Variants in ADARB2 observed in about 807,000 individuals in gnomAD.
The protein encoded by ADARB2 is adenosine deaminase RNA specific B2 (inactive), also known as inactive double-stranded RNA-specific editase B2.
ADARB2 carries 25 observed loss-of-function variants against 62.2 expected under a neutral mutation model. The ratio of observed to expected loss-of-function variants is 0.40; its 90% CI spans 0.29 to 0.56. The LOEUF is 0.56. ADARB2 is among the 20% of genes least tolerant of loss of function. The pLI is 0.43. For missense variants in ADARB2, 1,071 were observed against 1,077.4 expected (o/e 0.99, Z 0.08); for synonymous variants, 572 against 500.8 (o/e 1.14, Z -1.90).
intron 5 of ADARB2, among the ~76,000 whole-genome samples, chr10:1,234,736 T>G (rs995697581): frequency 5.3e-5 from 6 of 112,512 alleles, no homozygotes; most frequent in Non-Finnish European, 8.8e-5. Context: ...GCGACCATGA[T>G]CTTTTTTTTT....
intron 1 of ADARB2, among the ~76,000 whole-genome samples, chr10:1,693,262 C>T (rs552661212): frequency 3.3e-5 from 5 of 152,188 alleles, no homozygotes; most frequent in South Asian, 2.1e-4. Flanking sequence ...TCATTTTCCA[C>T]ATGAACAATC....
intron 1 of ADARB2, among the ~76,000 whole-genome samples, chr10:1,493,565 C>T (rs1384692941): frequency 6.6e-6 from 1 of 152,010 alleles, no homozygotes; most frequent in Non-Finnish European, 1.5e-5. Context: ...CTCTCCGAAC[C>T]TATTTCCTCA....
intron 1 of ADARB2, among the ~76,000 whole-genome samples, chr10:1,531,209 T>A (rs775898407): frequency 1.3e-5 from 2 of 152,086 alleles, no homozygotes; most frequent in African/African-American, 2.4e-5. Context: ...CACGGAATGA[T>A]CTAGTAAATT....
intron 4 of ADARB2, among the ~76,000 whole-genome samples, chr10:1,254,045 G>A (rs532585194): frequency 6.6e-6 from 1 of 152,044 alleles, no homozygotes; most frequent in East Asian, 1.9e-4. Context: ...TCGGTGGTTA[G>A]GGTGAGGTCG....
intron 1 of ADARB2, chr10:1,678,368 G>A (rs1185225510): frequency 2.0e-6 from 2 of 983,836 alleles, no homozygotes; most frequent in Non-Finnish European, 2.4e-6. Context: ...GTGACCTCGG[G>A]GTGAGCATCC....
At chr10:1,660,691 G>A (rs892749796) in intron 1 of ADARB2, among the ~76,000 whole-genome samples, 10 of 152,096 alleles carry the variant, frequency 6.6e-5, no homozygotes, top group South Asian at 4.1e-4. Context: ...ATCCAGTGTC[G>A]GGGTATCCAT....
intron 1 of ADARB2, among the ~76,000 whole-genome samples, chr10:1,689,335 C>T (rs1486591894): frequency 6.6e-6 from 1 of 152,166 alleles, no homozygotes; most frequent in African/African-American, 2.4e-5. Flanking sequence ...GGGCTACGTG[C>T]CCTGGACCAT....
intron 4 of ADARB2, among the ~76,000 whole-genome samples, chr10:1,245,149 G>A (rs1830972267): frequency 6.6e-6 from 1 of 152,110 alleles, no homozygotes; most frequent in African/African-American, 2.4e-5. Flanking sequence ...GAGGACTTAG[G>A]AAGCACCCTC....
At chr10:1,211,161 C>G (rs1170164690) in intron 7 of ADARB2, among the ~76,000 whole-genome samples, 3 of 147,672 alleles carry the variant, frequency 2.0e-5, no homozygotes, top group African/African-American at 4.9e-5. Context: ...TATCATCTAT[C>G]TAATCTATGA....
chr10:1,678,834 G>A (rs1195074023), intron 1 of ADARB2, among the ~76,000 whole-genome samples: 1 of 151,448 alleles, frequency 6.6e-6, no homozygotes, highest in East Asian at 2.0e-4. Flanking sequence ...CCCTCTCCCG[G>A]GCACTTGTCC....
intron 1 of ADARB2, among the ~76,000 whole-genome samples, chr10:1,396,306 C>T (rs1356384692): frequency 1.3e-5 from 2 of 152,174 alleles, no homozygotes; most frequent in South Asian, 2.1e-4. Context: ...CCCACCCCCT[C>T]GGTGACCCAT....
chr10:1,529,898 C>T (rs576931870), intron 1 of ADARB2, among the ~76,000 whole-genome samples: 17 of 58,524 alleles, frequency 2.9e-4, no homozygotes, highest in African/African-American at 7.2e-4. Flanking sequence ...CCCCCTGCCA[C>T]CACGGACACC....
At chr10:1,712,037 TTTAG>T (rs1219816170) in intron 1 of ADARB2, among the ~76,000 whole-genome samples, 1 of 152,230 alleles carries the variant, frequency 6.6e-6, no homozygotes, top group Non-Finnish European at 1.5e-5. Flanking sequence ...TGCTCATAAT[TTTAG>T]TTACTCAAAA....
At position 1,199,975 on chromosome 10, in the gene ADARB2, G is replaced by C. The variant is rs1564217820; in HGVS notation, c.1855C>G (p.Leu619Val). ...LPASYRHNRP[L>V]LSGVSDAEAR... ...GGAAGGGGGTTCTTACCGCTGAGGA[G>C]AGGCCGGTTGTGCCGGTAGGAGGCG... is the stretch of plus-strand genomic sequence containing the variant. The change falls in exon 8 of 10, where the codon CTC becomes GTC. Residue 619 changes from leucine to valine, a missense_variant. By Grantham distance (32) the Leu-to-Val change is conservative (BLOSUM62 1). Transcript: ENST00000381312. 1.9e-6 allele frequency: 3 copies of C among 1,556,402 alleles called. No homozygotes were observed. Among genetic ancestry groups the C allele is most frequent in the Middle Eastern group, 2.3e-4 (1 of 4,418 alleles).
intron 1 of ADARB2, among the ~76,000 whole-genome samples, chr10:1,685,507 T>G (rs902884072): frequency 1.3e-5 from 2 of 152,180 alleles, no homozygotes; most frequent in African/African-American, 4.8e-5. Flanking sequence ...TTTGTAAAGG[T>G]GCTGAATCCT....
At position 1,460,407 on chromosome 10, in the gene ADARB2, A is replaced by AGTTT. The variant is rs1354329635; in HGVS notation, c.101-81248_101-81247insAAAC. On this transcript the variant is annotated intron_variant, in intron 1 of 9. Coordinates refer to ENST00000381312, the MANE Select transcript of ADARB2 (RefSeq NM_018702.4). The stretch of plus-strand genomic sequence containing the variant: ...GTGTAACAAACCTGCCTGTGACCTG[A>AGTTT]ATTTACCTGCGTAACAAACCTGCCT... 9.3e-5 allele frequency among the ~76,000 whole-genome samples: 8 copies of AGTTT among 85,634 alleles called. 1 individual carries two copies. Among genetic ancestry groups the AGTTT allele is most frequent in the African/African-American group, 1.8e-4 (3 of 16,960 alleles). The allele number at this position is 85,634 out of a possible 152,430, so 56.2% of individuals were successfully genotyped here. A position where few individuals can be genotyped will look rare whatever the true frequency, so the allele number is the denominator to read the frequency against.
chr10:1,725,166 T>G (rs1003626606), intron 1 of ADARB2, among the ~76,000 whole-genome samples: 23 of 152,100 alleles, frequency 1.5e-4, no homozygotes, highest in Admixed American at 6.5e-5. Flanking sequence ...CGTGCTAACC[T>G]CAGGGGCCGC....
intron 1 of ADARB2, among the ~76,000 whole-genome samples, chr10:1,401,996 G>C (rs1832668122): frequency 6.6e-6 from 1 of 152,162 alleles, no homozygotes; most frequent in Non-Finnish European, 1.5e-5. Flanking sequence ...CTCCAAAATG[G>C]AGTAAACACA....
intron 3 of ADARB2, among the ~76,000 whole-genome samples, chr10:1,316,450 T>G (rs1831740628): frequency 6.6e-6 from 1 of 152,240 alleles, no homozygotes; most frequent in African/African-American, 2.4e-5. Flanking sequence ...CTGATGGCAG[T>G]GTCGGCCACG....
Sources: gnomAD v4.1 joint callset for allele counts (sites outside exome capture counted in the v4.1 genomes callset) on GRCh38, gnomAD v4.1.1 for gene constraint, MANE v1.5 for transcripts, NCBI Gene and HGNC (gene_info 2026-07-23, HGNC 2026-07-21) for gene names.